ZC3H12B: variants seen among roughly 807,000 people sequenced by gnomAD.
ZC3H12B encodes the protein probable ribonuclease ZC3H12B.
ZC3H12B carries 7 observed loss-of-function variants against 43.9 expected under a neutral mutation model. The ratio of observed to expected loss-of-function variants is 0.16; its 90% CI spans 0.09 to 0.30. ZC3H12B has a LOEUF of 0.30. Ranked by LOEUF, ZC3H12B falls within the 10% of genes least tolerant of loss-of-function variation. The pLI is 1.00. For missense variants in ZC3H12B, 475 were observed against 670.2 expected (o/e 0.71, Z 3.22); for synonymous variants, 222 against 241.7 (o/e 0.92, Z 0.76).
At chrX:65,232,476 A>G in the ZC3H12B span, among the ~76,000 whole-genome samples, 11 of 111,579 alleles carry the variant, frequency 9.9e-5, no homozygotes, top group East Asian at 3.1e-3. Context: ...GGTTTTTAGT[A>G]TTTTCATTAC....
the ZC3H12B span, among the ~76,000 whole-genome samples, chrX:65,139,851 T>A: frequency 8.9e-6 from 1 of 111,882 alleles, no homozygotes; most frequent in African/African-American, 3.2e-5. Flanking sequence ...GTAGCTATTA[T>A]AAATTGGAAT....
At chrX:65,170,013 G>T in the ZC3H12B span, among the ~76,000 whole-genome samples, 1 of 111,769 alleles carries the variant, frequency 8.9e-6, no homozygotes, top group African/African-American at 3.2e-5. Context: ...TCTTTTAATT[G>T]GAGCATTTAG....
the ZC3H12B span, among the ~76,000 whole-genome samples, chrX:65,170,507 T>G: frequency 0.077 from 8,552 of 111,048 alleles, 404 homozygotes; most frequent in Non-Finnish European, 0.12. Context: ...TGACAATTAT[T>G]TGTCTTGGAA....
chrX:65,330,670 T>C, the ZC3H12B span: 1 of 116,514 alleles, frequency 8.6e-6, no homozygotes, highest in South Asian at 3.4e-4. Flanking sequence ...AATCATGTGG[T>C]TTTTGTCTTT....
the ZC3H12B span, among the ~76,000 whole-genome samples, chrX:65,190,706 A>G: frequency 5.9e-4 from 65 of 109,632 alleles, no homozygotes; most frequent in African/African-American, 1.7e-3. Context: ...GGGCTGAGAC[A>G]ATGGGGTTTT....
At chrX:65,262,807 T>TA in the ZC3H12B span, among the ~76,000 whole-genome samples, 2 of 110,857 alleles carry the variant, frequency 1.8e-5, no homozygotes, top group Non-Finnish European at 3.8e-5. Flanking sequence ...TTGTTATTTT[T>TA]ATTCAGTCAG....
At chrX:65,340,323 G>A in the ZC3H12B span, among the ~76,000 whole-genome samples, 1 of 111,926 alleles carries the variant, frequency 8.9e-6, no homozygotes, top group East Asian at 2.8e-4. Context: ...ATGTATCTCA[G>A]CACCTGATGG....
At chrX:65,487,051 G>A (rs1017221420), upstream of ZC3H12B, among the ~76,000 whole-genome samples, 7 of 112,561 alleles carry the variant, frequency 6.2e-5, no homozygotes. Flanking sequence ...GTGTCTATGT[G>A]TTGACTAATT....
the ZC3H12B span, among the ~76,000 whole-genome samples, chrX:65,134,512 A>G: frequency 8.9e-6 from 1 of 111,793 alleles, no homozygotes; most frequent in Non-Finnish European, 1.9e-5. Context: ...GGGTAGCAAA[A>G]GAGGGAGATT....
chrX:65,082,139 ATATATC>A, the ZC3H12B span, among the ~76,000 whole-genome samples: 3 of 111,707 alleles, frequency 2.7e-5, no homozygotes, highest in African/African-American at 6.5e-5. Flanking sequence ...AATGGGGAGT[ATATATC>A]TATAAGTGTC....
the ZC3H12B span, among the ~76,000 whole-genome samples, chrX:65,221,056 A>G: frequency 8.9e-6 from 1 of 111,783 alleles, no homozygotes; most frequent in Non-Finnish European, 1.9e-5. Flanking sequence ...AACCCTCAAT[A>G]CCATGCAAAT....
At chrX:65,184,476 CTG>C in the ZC3H12B span, among the ~76,000 whole-genome samples, 2 of 111,431 alleles carry the variant, frequency 1.8e-5, no homozygotes, top group South Asian at 3.8e-4. Flanking sequence ...CTGACTGAAT[CTG>C]TGAGATATTG....
At chrX:65,289,542 T>C in the ZC3H12B span, among the ~76,000 whole-genome samples, 1 of 109,244 alleles carries the variant, frequency 9.2e-6, no homozygotes, top group Non-Finnish European at 1.9e-5. Flanking sequence ...GTATATATTT[T>C]ATGTTATATA....
At chrX:65,461,172 C>G (rs370463640) in intron 3 of ZC3H12B, among the ~76,000 whole-genome samples, 4 of 112,030 alleles carry the variant, frequency 3.6e-5, no homozygotes, top group Non-Finnish European at 7.5e-5. Context: ...TCTCACACCA[C>G]TTAGAATGGT....
intron 3 of ZC3H12B, among the ~76,000 whole-genome samples, chrX:65,411,107 A>G (rs1188220989): frequency 8.9e-6 from 1 of 112,514 alleles, no homozygotes; most frequent in Non-Finnish European, 1.9e-5. Context: ...GCATACACAC[A>G]ATGGAGTACT....
the ZC3H12B span, among the ~76,000 whole-genome samples, chrX:65,050,368 T>C: frequency 9.0e-6 from 1 of 111,210 alleles, no homozygotes; most frequent in Non-Finnish European, 1.9e-5. Flanking sequence ...TTTTCTACTT[T>C]CTTTTCTATT....
In ZC3H12B at chrX:65,409,285, G is replaced by GA. The variant is rs200909448; in HGVS notation, n.407+10590dup. On this transcript the variant is annotated intron_variant and non_coding_transcript_variant, in intron 3 of 5. Coordinates refer to the ZC3H12B transcript ENST00000617377. ...ATAAATGAAAGCCATTTTTAAAACT[G>GA]AAAAAAAAATAAAAAAAATAAAAGC... Among the ~76,000 whole-genome samples the GA allele has an allele frequency of 7.8e-4, 81 of 103,651 alleles. 1 individual carries two copies. The highest frequency in any genetic ancestry group is 5.9e-3 in the South Asian group (14 of 2,391). The allele number at this position is 103,651 out of a possible 115,157, so 90.0% of individuals were successfully genotyped here. A position where few individuals can be genotyped will look rare whatever the true frequency, so the allele number is the denominator to read the frequency against.
the ZC3H12B span, among the ~76,000 whole-genome samples, chrX:65,181,205 G>A: frequency 8.9e-6 from 1 of 111,859 alleles, no homozygotes; most frequent in Non-Finnish European, 1.9e-5. Flanking sequence ...GCTATATGCA[G>A]AAAACTGAAA....
At chrX:65,356,686 G>T in the ZC3H12B span, among the ~76,000 whole-genome samples, 2 of 109,607 alleles carry the variant, frequency 1.8e-5, no homozygotes, top group Non-Finnish European at 3.9e-5. Context: ...TAAAATGAAA[G>T]TAATGAAAGT....
Sources: gnomAD v4.1 joint callset for allele counts (sites outside exome capture counted in the v4.1 genomes callset) on GRCh38, gnomAD v4.1.1 for gene constraint, MANE v1.5 for transcripts, NCBI Gene and HGNC (gene_info 2026-07-23, HGNC 2026-07-21) for gene names.